DOK7: variants seen among roughly 807,000 people sequenced by gnomAD.
DOK7 encodes the protein protein Dok-7.
Under a neutral mutation model 30.7 loss-of-function variants are expected in DOK7, and 32 were observed. The ratio of observed to expected loss-of-function variants is 1.04; its 90% CI spans 0.79 to 1.40. The LOEUF (loss-of-function observed/expected upper bound fraction) is 1.40, where lower values mean the gene tolerates loss of function less well. Ranked by LOEUF, DOK7 falls within the 40% of genes most tolerant of loss-of-function variation. The pLI, the probability that DOK7 is intolerant of heterozygous loss-of-function variation, is 0.00. For synonymous variants in DOK7, 447 were observed against 324.1 expected (o/e 1.38, Z -4.07); for missense variants, 1,007 against 699.2 (o/e 1.44, Z -4.97).
chr4:3,490,110 C>CCT (rs112331566), intron 6 of DOK7, among the ~76,000 whole-genome samples: 15,567 of 52,120 alleles, frequency 0.3, 2,125 homozygotes, highest in Middle Eastern at 0.56. Context: ...TTCTTCACCC[C>CCT]CATTCATTCC....
intron 4 of DOK7, among the ~76,000 whole-genome samples, chr4:3,484,165 G>A (rs759594057): frequency 4.5e-4 from 69 of 152,338 alleles, no homozygotes; most frequent in Non-Finnish European, 8.2e-4. Context: ...TTTTGCTAAA[G>A]TAGGAATGGC....
rs1728629535 is a variant in DOK7, at chr4:3,493,123, G to A, written c.1137G>A (p.Gly379=). 3.1e-6 allele frequency: 5 copies of A among 1,592,898 alleles called. No individual in the cohort carries two copies. The highest frequency in any genetic ancestry group is 3.4e-6 in the Non-Finnish European group (4 of 1,172,680). The change falls in exon 7 of 7, where the codon GGG becomes GGA. Residue 379 remains glycine (G), a synonymous_variant. Coordinates refer to ENST00000340083, the MANE Select transcript of DOK7 (RefSeq NM_173660.5). ...LGSLLSLPAA[G]APEPSLCTCL... is the part of the protein sequence containing the mutation. ...CACTGCTCAGCCTGCCAGCAGCGGG[G>A]GCCCCCGAGCCCAGCCTGTGCACCT...
chr4:3,466,080 C>G (rs997541273), intron 2 of DOK7, among the ~76,000 whole-genome samples: 1 of 152,118 alleles, frequency 6.6e-6, no homozygotes, highest in African/African-American at 2.4e-5. Flanking sequence ...GGGCCCGAGT[C>G]CTGGAGCTGG....
chr4:3,478,304 G>A (rs1228440908), intron 4 of DOK7, among the ~76,000 whole-genome samples: 1 of 152,206 alleles, frequency 6.6e-6, no homozygotes, highest in Non-Finnish European at 1.5e-5. Context: ...CATCCCTGCC[G>A]AGGTGTGGGT....
At chr4:3,463,450 C>CGGGG (rs71180187) in intron 1 of DOK7, 21 bp downstream of exon 1, 13 of 1,230,634 alleles carry the variant, frequency 1.1e-5, no homozygotes, top group African/African-American at 8.8e-5. Flanking sequence ...GTCGGGGGCG[C>CGGGG]GGGGGGGGGG....
chr4:3,495,643 G>T (rs1400314778), downstream of DOK7, among the ~76,000 whole-genome samples: 5 of 152,234 alleles, frequency 3.3e-5, no homozygotes, highest in Non-Finnish European at 5.9e-5. Flanking sequence ...AACAGGCTGG[G>T]GGCTCCTCCT....
At chr4:3,464,335 C>T (rs887797450) in intron 2 of DOK7, among the ~76,000 whole-genome samples, 4 of 152,194 alleles carry the variant, frequency 2.6e-5, no homozygotes, top group African/African-American at 9.6e-5. Flanking sequence ...GCAGGGATCC[C>T]TCCTGCGTCC....
rs1161535780 is a variant in DOK7, at chr4:3,494,271, C to T, written c.*770C>T. ...CAAAGGCTGGCTTGGCCTGTGTTTC[C>T]CCTGGCCCAGGCCTCAGCCCCTGCG... is the stretch of plus-strand genomic sequence containing the variant. On this transcript the variant is annotated 3_prime_UTR_variant, in exon 7 of 7. Transcript: ENST00000340083. 7.8e-5 allele frequency: 77 copies of T among 985,456 alleles called. No individual in the cohort carries two copies. The highest frequency in any genetic ancestry group is 9.0e-5 in the Non-Finnish European group (75 of 830,044). The allele number at this position is 985,456 out of a possible 1,614,324, so 61.0% of individuals were successfully genotyped here.
chr4:3,484,712 C>T (rs1727653030), intron 4 of DOK7: 9 of 985,400 alleles, frequency 9.1e-6, no homozygotes, highest in Non-Finnish European at 9.6e-6. Context: ...TGGATGCTGG[C>T]CCCAGGATGC....
In DOK7 at chr4:3,493,770, C is replaced by A. The variant is rs914806565; in HGVS notation, c.*269C>A. The A allele has an allele frequency of 2.2e-6, 3 of 1,389,324 alleles. No homozygotes were observed. The highest frequency in any genetic ancestry group is 3.2e-5 in the South Asian group (2 of 61,870). 86.1% of individuals were successfully genotyped at this position (1,389,324 alleles called of 1,614,324 possible). On this transcript the variant is annotated 3_prime_UTR_variant, in exon 7 of 7. Coordinates refer to ENST00000340083, the MANE Select transcript of DOK7 (RefSeq NM_173660.5). Reference sequence around the variant, plus strand: ...AATGCTCAGCTGCTTCACTCCGTGTCCCCCACCCCTGAGGATCAGGTGAGT... The same window carrying A: ...AATGCTCAGCTGCTTCACTCCGTGTACCCCACCCCTGAGGATCAGGTGAGT...
intron 6 of DOK7, among the ~76,000 whole-genome samples, chr4:3,490,383 C>CCCTGCTTATTCAGTCCTTCATTACCCT (rs1728210684): frequency 3.6e-5 from 1 of 27,842 alleles, no homozygotes; most frequent in Admixed American, 3.4e-4. Context: ...TCCCCCCACC[C>CCCTGCTTATTCAGTCCTTCATTACCCT]CCTGCTCATT....
chr4:3,463,691 A>AC lies in DOK7; in HGVS notation c.100+146dup, dbSNP rs1316239526. ...ACCCGAGAGCCCCGTGCGGACCCGG[A>AC]CCCCCCGGCGCCCCTGGGAGCGCAG... On this transcript the variant is annotated intron_variant, in intron 2 of 6. Coordinates refer to ENST00000340083, the MANE Select transcript of DOK7 (RefSeq NM_173660.5). 10 of 1,132,030 alleles carry AC rather than the reference A, an allele frequency of 8.8e-6. No individual in the cohort carries two copies. In the East Asian group the frequency reaches 1.3e-4, roughly 15 times the overall value. 70.1% of individuals were successfully genotyped at this position (1,132,030 alleles called of 1,614,324 possible).
intron 4 of DOK7, among the ~76,000 whole-genome samples, chr4:3,484,233 G>A (rs1474466766): frequency 6.6e-6 from 1 of 152,228 alleles, no homozygotes; most frequent in Non-Finnish European, 1.5e-5. Context: ...ACAGCACAAG[G>A]TGCCGCTCGC....
At chr4:3,500,674 A>G in intron 7 of DOK7, 1 of 1,535,744 alleles carries the variant, frequency 6.5e-7, no homozygotes, top group South Asian at 1.2e-5. Flanking sequence ...GCTGCCGCTC[A>G]CTACAGAATT....
At chr4:3,466,993 G>A (rs1726324543) in intron 2 of DOK7, among the ~76,000 whole-genome samples, 3 of 152,172 alleles carry the variant, frequency 2.0e-5, no homozygotes, top group South Asian at 2.1e-4. Context: ...TCAGCAGGCC[G>A]GCCTGGTCGA....
In DOK7 at chr4:3,469,610, C is replaced by T. The variant is rs189362299; in HGVS notation, c.101-3796C>T. Among the ~76,000 whole-genome samples the T allele has an allele frequency of 4.2e-3, 638 of 152,240 alleles. 7 individuals carry two copies. The highest frequency in any genetic ancestry group is 0.014 in the African/African-American group (601 of 41,554). ...CCCGGGGAGCTGGCCAGTGGCCATC[C>T]ACTCCTGAGTCCCCCAGACCTGTGT... is the stretch of plus-strand genomic sequence containing the variant. On this transcript the variant is annotated intron_variant, in intron 2 of 6. Transcript: ENST00000340083.
intron 4 of DOK7, among the ~76,000 whole-genome samples, chr4:3,483,449 A>G (rs1398146697): frequency 6.6e-6 from 1 of 152,122 alleles, no homozygotes; most frequent in Admixed American, 6.5e-5. Flanking sequence ...GGAGATGGGC[A>G]TCTTCCTCCA....
At chr4:3,481,530 A>C (rs1438659857) in intron 4 of DOK7, among the ~76,000 whole-genome samples, 1 of 152,102 alleles carries the variant, frequency 6.6e-6, no homozygotes, top group Non-Finnish European at 1.5e-5. Context: ...GCCAGGCTCC[A>C]GGCCTTCCTC....
At position 3,473,651 on chromosome 4, in the gene DOK7, C is replaced by G; in HGVS notation, c.331+15C>G. 6.5e-7 allele frequency: 1 copy of G among 1,535,488 alleles called. No individual in the cohort carries two copies. The highest frequency in any genetic ancestry group is 8.8e-7 in the Non-Finnish European group (1 of 1,134,752). ...GCTCGGCGAGGGTGAGTGACGGGGG[C>G]CGGGGCCGGGCGGGGGCTCCCCGTT... On this transcript the variant is annotated intron_variant, in intron 3 of 6. Transcript: ENST00000340083.
Sources: allele counts gnomAD v4.1 joint callset (sites outside exome capture counted in the v4.1 genomes callset), GRCh38; gene constraint gnomAD v4.1.1; transcripts MANE v1.5; gene names NCBI Gene and HGNC (gene_info 2026-07-23, HGNC 2026-07-21).